Variants in SDR42E2 observed in about 807,000 individuals in gnomAD.
The protein encoded by SDR42E2 is short chain dehydrogenase/reductase family 42E, member 2.
Under a neutral mutation model 10.5 loss-of-function variants are expected in SDR42E2, and 20 were observed. That is an observed-to-expected ratio of 1.90 (90% CI 1.34 to 2.77). The LOEUF (loss-of-function observed/expected upper bound fraction) is 2.77, where lower values mean the gene tolerates loss of function less well. SDR42E2 is among the 30% of genes most tolerant of loss of function. The pLI, the probability that SDR42E2 is intolerant of heterozygous loss-of-function variation, is 0.00. For missense variants in SDR42E2, 162 were observed against 104.2 expected (o/e 1.55, Z -2.42); for synonymous variants, 72 against 39.2 (o/e 1.84, Z -3.12).
intron 10 of SDR42E2, among the ~76,000 whole-genome samples, chr16:22,183,832 G>A (rs1277318488): frequency 1.3e-5 from 2 of 151,958 alleles, no homozygotes; most frequent in Non-Finnish European, 2.9e-5. Context: ...AATGGCTTAT[G>A]CCTGTAATCC....
intron 9 of SDR42E2, among the ~76,000 whole-genome samples, chr16:22,181,972 AT>A (rs1488780224): frequency 6.6e-6 from 1 of 152,212 alleles, no homozygotes; most frequent in African/African-American, 2.4e-5. Context: ...TCCCATTATT[AT>A]CCTCCCATTT....
chr16:22,164,432 A>C (rs2046519438), intron 1 of SDR42E2, among the ~76,000 whole-genome samples: 1 of 152,138 alleles, frequency 6.6e-6, no homozygotes, highest in Non-Finnish European at 1.5e-5. Flanking sequence ...GGTAGCATGC[A>C]CCTGTATTCC....
rs368436740 is a variant in SDR42E2 at position 22,190,420 on chromosome 16, G to T, written c.*27G>T. 5.0e-6 allele frequency: 2 copies of T among 401,510 alleles called. No individual in the cohort carries two copies. Among genetic ancestry groups the T allele is most frequent in the African/African-American group, 4.1e-5 (2 of 48,556 alleles). The allele number at this position is 401,510 out of a possible 1,614,324, so 24.9% of individuals were successfully genotyped here. A position where few individuals can be genotyped will look rare whatever the true frequency, so the allele number is the denominator to read the frequency against. ...CGTCCGCCGTCCGCCGCCCGCTAGG[G>T]TCGGCCCCGCTGCACCCTCGCCCAC... On this transcript the variant is annotated 3_prime_UTR_variant, in exon 13 of 13. Coordinates refer to ENST00000602312, the MANE Select transcript of SDR42E2 (RefSeq NM_001394319.2).
chr16:22,182,098 A>G (rs2046700303), intron 9 of SDR42E2, 114 bp from the exon 10 acceptor site: 7 of 411,824 alleles, frequency 1.7e-5, no homozygotes, highest in Non-Finnish European at 3.0e-5. Flanking sequence ...GTCCTCAGGT[A>G]TTGGAGCTGC....
At position 22,168,580 on chromosome 16, in the gene SDR42E2, G is replaced by T. The variant is rs566776305; in HGVS notation, c.337-865G>T. Among the ~76,000 whole-genome samples, 270 of 151,842 alleles carry T rather than the reference G, an allele frequency of 1.8e-3. 3 individuals are homozygous for T. Among genetic ancestry groups the T allele is most frequent in the African/African-American group, 6.1e-3 (255 of 41,476 alleles). On this transcript the variant is annotated intron_variant, in intron 4 of 12. Coordinates refer to ENST00000602312, the MANE Select transcript of SDR42E2 (RefSeq NM_001394319.2). ...CACACCTGGCCAAAAATTTTTAAAA[G>T]AATAAATATAGGCTGGAAGCAGTGG... is the stretch of plus-strand genomic sequence containing the variant.
In SDR42E2 at chr16:22,165,598, C is replaced by T. The variant is rs1488802670; in HGVS notation, c.16C>T (p.Pro6Ser). Reference protein sequence around the residue: MKSNPPRSSLEACKAA... With the variant: MKSNPSRSSLEACKAA... ...TCAGTAGAGGATGAAGTCCAACCCC[C>T]CACGCTCCTCCCTAGAGGCCTGCAA... The change falls in exon 2 of 13, where the codon CCA becomes TCA. Residue 6 changes from proline (P) to serine (S), a missense_variant. By Grantham distance (74) the Pro-to-Ser change is moderately conservative. Transcript: ENST00000602312. 1.7e-5 allele frequency: 7 copies of T among 401,312 alleles called. No individual in the cohort carries two copies. Among genetic ancestry groups the T allele is most frequent in the Non-Finnish European group, 3.1e-5 (7 of 226,414 alleles). The allele number at this position is 401,312 out of a possible 1,614,324, so 24.9% of individuals were successfully genotyped here.
intron 7 of SDR42E2, among the ~76,000 whole-genome samples, chr16:22,176,758 T>A (rs1485747470): frequency 6.6e-6 from 1 of 152,152 alleles, no homozygotes; most frequent in Non-Finnish European, 1.5e-5. Context: ...CTGACATATG[T>A]CTGTGGCAGC....
intron 5 of SDR42E2, 85 bp from the exon 6 acceptor site, chr16:22,170,748 C>G (rs1374384541): frequency 2.9e-6 from 2 of 694,836 alleles, no homozygotes; most frequent in Non-Finnish European, 5.3e-6. Context: ...TCAGCCGACT[C>G]TATGCTCACT....
chr16:22,181,575 G>A lies in SDR42E2; in HGVS notation c.729G>A (p.Met243Ile), dbSNP rs9930499. Residue 243 changes from methionine to isoleucine, a missense_variant, in exon 9 of 13, where the codon ATG (methionine) becomes ATA (isoleucine). Coordinates refer to ENST00000602312, the MANE Select transcript of SDR42E2 (RefSeq NM_001394319.2). ...GATTTGGGGACCACAAGGCACGGATGAACTGGGTCCACGTACACAATCTGG... is the reference window on the plus strand; with the variant it reads ...GATTTGGGGACCACAAGGCACGGATAAACTGGGTCCACGTACACAATCTGG... Reference protein sequence around the residue: ...MFRFGDHKARMNWVHVHNLVQ... With the variant: ...MFRFGDHKARINWVHVHNLVQ... 70,678 of 702,930 alleles carry A rather than the reference G, an allele frequency of 0.1. 4,969 individuals carry two copies. Among genetic ancestry groups the A allele is most frequent in the East Asian group, 0.29 (10,689 of 37,274 alleles). The allele number at this position is 702,930 out of a possible 1,614,324, so 43.5% of individuals were successfully genotyped here.
intron 5 of SDR42E2, among the ~76,000 whole-genome samples, chr16:22,169,826 T>C (rs1160552698): frequency 6.6e-6 from 1 of 150,684 alleles, no homozygotes; most frequent in Non-Finnish European, 1.5e-5. Context: ...AGGTCAAGAG[T>C]TCGAGACCAG....
intron 1 of SDR42E2, among the ~76,000 whole-genome samples, chr16:22,163,003 T>G (rs1053444889): frequency 6.6e-6 from 1 of 152,168 alleles, no homozygotes; most frequent in Non-Finnish European, 1.5e-5. Flanking sequence ...CGCCAGGCAC[T>G]GTTCTAGGTG....
chr16:22,175,141 T>C (rs1366905136), intron 7 of SDR42E2, among the ~76,000 whole-genome samples: 2 of 152,124 alleles, frequency 1.3e-5, no homozygotes, highest in Non-Finnish European at 2.9e-5. Context: ...TGACAAATGA[T>C]GCCACCCAAA....
At chr16:22,180,128 AG>A (rs2046680471) in intron 8 of SDR42E2, among the ~76,000 whole-genome samples, 1 of 152,188 alleles carries the variant, frequency 6.6e-6, no homozygotes. Context: ...AGCTGGGGCC[AG>A]ATCAGGAAGG....
At chr16:22,173,468 C>T (rs1435489050) in intron 7 of SDR42E2, among the ~76,000 whole-genome samples, 1 of 152,224 alleles carries the variant, frequency 6.6e-6, no homozygotes, top group East Asian at 1.9e-4. Flanking sequence ...GATCCACCTG[C>T]CTTGGCCTCC....
intron 8 of SDR42E2, among the ~76,000 whole-genome samples, chr16:22,179,795 A>C (rs1229150161): frequency 1.3e-5 from 2 of 149,880 alleles, no homozygotes; most frequent in Non-Finnish European, 3.0e-5. Context: ...CCTGGGCAAC[A>C]AAAGCGAAAC....
intron 11 of SDR42E2, among the ~76,000 whole-genome samples, chr16:22,185,786 A>G (rs2046732352): frequency 6.6e-6 from 1 of 151,942 alleles, no homozygotes; most frequent in Non-Finnish European, 1.5e-5. Context: ...TTTATACTTT[A>G]GTAGAGATGG....
At chr16:22,173,819 C>T (rs892708811) in intron 7 of SDR42E2, among the ~76,000 whole-genome samples, 7 of 146,598 alleles carry the variant, frequency 4.8e-5, no homozygotes, top group East Asian at 2.1e-4. Flanking sequence ...TTTAGGAGTT[C>T]GAGACCAGCC....
chr16:22,176,300 G>A (rs2046644504), intron 7 of SDR42E2, among the ~76,000 whole-genome samples: 1 of 151,472 alleles, frequency 6.6e-6, no homozygotes, highest in African/African-American at 2.4e-5. Flanking sequence ...TTTTTTCTTT[G>A]TCAGAGATGG....
chr16:22,177,663 AAAAGG>A (rs2046656051), intron 7 of SDR42E2, among the ~76,000 whole-genome samples: 3 of 146,900 alleles, frequency 2.0e-5, no homozygotes, highest in African/African-American at 8.2e-5. Flanking sequence ...AAGAAAAAGG[AAAAGG>A]AAAAGGAAAA....
Sources: gnomAD v4.1 joint callset for allele counts (sites outside exome capture counted in the v4.1 genomes callset) on GRCh38, gnomAD v4.1.1 for gene constraint, MANE v1.5 for transcripts, NCBI Gene and HGNC (gene_info 2026-07-23, HGNC 2026-07-21) for gene names.